YES1: variants seen among roughly 807,000 people sequenced by gnomAD.
YES1 encodes the protein tyrosine-protein kinase Yes.
In YES1, 39 loss-of-function variants were observed where a neutral mutation model predicts 70.4. That is an observed-to-expected ratio of 0.55 (90% confidence interval 0.43 to 0.72). YES1 has a LOEUF of 0.72. YES1 is among the 30% of genes least tolerant of loss of function. The pLI is 0.00. For missense variants in YES1, 495 were observed against 644.8 expected, an observed-to-expected ratio of 0.77 and a Z score of 2.52; for synonymous variants, 198 against 218.6, an observed-to-expected ratio of 0.91 and a Z score of 0.83.
At chr18:734,047 G>C (rs1568185791) in intron 10 of YES1, among the ~76,000 whole-genome samples, 1 of 152,186 alleles carries the variant, frequency 6.6e-6, no homozygotes, top group Non-Finnish European at 1.5e-5. Flanking sequence ...GAGAGGCCGA[G>C]GTGGGCAGAT....
intron 2 of YES1, among the ~76,000 whole-genome samples, chr18:755,615 T>C (rs1366141839): frequency 6.6e-6 from 1 of 152,106 alleles, no homozygotes; most frequent in Non-Finnish European, 1.5e-5. Flanking sequence ...AGTCTATGCT[T>C]GTAGTGGGGA....
intron 4 of YES1, among the ~76,000 whole-genome samples, chr18:746,840 C>A (rs1163795934): frequency 6.6e-6 from 1 of 152,188 alleles, no homozygotes; most frequent in East Asian, 1.9e-4. Context: ...ATAAACCCTA[C>A]AACTAGGTTC....
chr18:794,092 T>C (rs1906412568), intron 1 of YES1, among the ~76,000 whole-genome samples: 1 of 152,198 alleles, frequency 6.6e-6, no homozygotes, highest in South Asian at 2.1e-4. Flanking sequence ...TTATCTGTAA[T>C]TTACTAAAAA....
At chr18:754,644 G>C (rs2080382940) in intron 2 of YES1, among the ~76,000 whole-genome samples, 1 of 150,166 alleles carries the variant, frequency 6.7e-6, no homozygotes, top group African/African-American at 2.5e-5. Flanking sequence ...CTGGGAGGCA[G>C]AAGGTTGCAG....
chr18:756,408 A>T, intron 2 of YES1, 149 bp downstream of exon 2: 1 of 1,099,504 alleles, frequency 9.1e-7, no homozygotes, highest in Non-Finnish European at 1.3e-6. Context: ...CAATAAAACT[A>T]ATTTTTATGT....
chr18:734,146 G>A (rs949694402), intron 10 of YES1, among the ~76,000 whole-genome samples: 3 of 152,036 alleles, frequency 2.0e-5, no homozygotes, highest in Admixed American at 6.6e-5. Context: ...AGGTGTGGTG[G>A]TGCATGCCTG....
At chr18:745,035 A>G (rs180887743) in intron 6 of YES1, among the ~76,000 whole-genome samples, 245 of 152,270 alleles carry the variant, frequency 1.6e-3, no homozygotes, top group Middle Eastern at 6.8e-3. Flanking sequence ...ATCAATGTCA[A>G]GATTGCTGGC....
At chr18:728,869 C>G (rs1434787870) in intron 11 of YES1, among the ~76,000 whole-genome samples, 2 of 152,180 alleles carry the variant, frequency 1.3e-5, no homozygotes, top group Non-Finnish European at 2.9e-5. Flanking sequence ...GCACCACCTC[C>G]TTATGGCTGT....
At chr18:777,633 C>A (rs746474568) in intron 1 of YES1, among the ~76,000 whole-genome samples, 31 of 151,794 alleles carry the variant, frequency 2.0e-4, no homozygotes, top group African/African-American at 7.5e-4. Flanking sequence ...ATGCTGAAAC[C>A]CTGTTTCTAC....
At chr18:753,422 A>G (rs982501979) in intron 2 of YES1, among the ~76,000 whole-genome samples, 1 of 152,224 alleles carries the variant, frequency 6.6e-6, no homozygotes, top group Admixed American at 6.5e-5. Context: ...TTTAGCCAAC[A>G]TATTTTTAAT....
chr18:744,602 C>A (rs945000546), intron 6 of YES1, among the ~76,000 whole-genome samples: 39 of 149,294 alleles, frequency 2.6e-4, no homozygotes, highest in South Asian at 8.6e-4. Flanking sequence ...GTTGCCCAGG[C>A]TGGTCTCAAA....
intron 1 of YES1, among the ~76,000 whole-genome samples, chr18:809,122 A>C (rs1184649934): frequency 6.6e-6 from 1 of 152,204 alleles, no homozygotes; most frequent in Non-Finnish European, 1.5e-5. Context: ...TCGTTCAATA[A>C]ACATTTTGAT....
intron 1 of YES1, among the ~76,000 whole-genome samples, chr18:806,032 C>T (rs918812475): frequency 5.3e-5 from 8 of 152,140 alleles, no homozygotes; most frequent in Admixed American, 2.6e-4. Context: ...GTCCTCACCC[C>T]CAATAACCCA....
intron 1 of YES1, among the ~76,000 whole-genome samples, chr18:768,836 C>T: frequency 6.6e-6 from 1 of 151,818 alleles, no homozygotes; most frequent in Non-Finnish European, 1.5e-5. Context: ...CCGAGTAGCT[C>T]GGATTACAGG....
intron 1 of YES1, among the ~76,000 whole-genome samples, chr18:765,030 G>A (rs955023342): frequency 4.6e-5 from 7 of 151,456 alleles, no homozygotes; most frequent in East Asian, 2.0e-4. Flanking sequence ...CACCTCGCCC[G>A]GCTTATCTGA....
chr18:733,011 A>G (rs748370938), intron 10 of YES1, 46 bp from the exon 11 acceptor site: 3 of 1,599,946 alleles, frequency 1.9e-6, no homozygotes, highest in East Asian at 2.2e-5. Flanking sequence ...TTAAAAATCT[A>G]TTTGTGTAAA....
At chr18:763,830 A>G (rs528694771) in intron 1 of YES1, among the ~76,000 whole-genome samples, 341 of 152,122 alleles carry the variant, frequency 2.2e-3, no homozygotes, top group African/African-American at 7.5e-3. Context: ...AGACATTAAG[A>G]AAAAGTCGAG....
intron 1 of YES1, among the ~76,000 whole-genome samples, chr18:786,880 G>T (rs1048942473): frequency 7.2e-5 from 11 of 151,738 alleles, no homozygotes; most frequent in African/African-American, 2.4e-4. Flanking sequence ...ATATAACAAG[G>T]TTACATGATT....
At chr18:786,496 T>TACACACACACACACACACAC (rs56410052) in intron 1 of YES1, among the ~76,000 whole-genome samples, 3 of 139,532 alleles carry the variant, frequency 2.2e-5, no homozygotes, top group East Asian at 4.3e-4. Context: ...AATAAGTCCA[T>TACACACACACACACACACAC]ACACACACAC....
Sources: allele counts gnomAD v4.1 joint callset (sites outside exome capture counted in the v4.1 genomes callset), GRCh38; gene constraint gnomAD v4.1.1; transcripts MANE v1.5; gene names NCBI Gene and HGNC (gene_info 2026-07-23, HGNC 2026-07-21).